Variants in TMEM117 observed in about 807,000 individuals in gnomAD.
TMEM117 encodes transmembrane protein 117.
Under a neutral mutation model 52.4 loss-of-function variants are expected in TMEM117, and 27 were observed. The ratio of observed to expected loss-of-function variants is 0.51; its 90% CI spans 0.38 to 0.71. The LOEUF (loss-of-function observed/expected upper bound fraction) is 0.71. Ranked by LOEUF, TMEM117 falls within the 30% of genes least tolerant of loss-of-function variation. TMEM117 has a pLI of 0.00. For synonymous variants in TMEM117, 215 were observed against 206.3 expected, an observed-to-expected ratio of 1.04 and a Z score of -0.36; for missense variants, 556 against 630.5, an observed-to-expected ratio of 0.88 and a Z score of 1.26.
chr12:43,824,242 A>G, the TMEM117 span, among the ~76,000 whole-genome samples: 7 of 152,210 alleles, frequency 4.6e-5, no homozygotes, highest in African/African-American at 1.7e-4. Flanking sequence ...ACGAGGTGGC[A>G]TTGCTTTCTC....
the TMEM117 span, among the ~76,000 whole-genome samples, chr12:43,824,570 G>C: frequency 6.6e-6 from 1 of 152,176 alleles, no homozygotes; most frequent in African/African-American, 2.4e-5. Flanking sequence ...CTTGCTCAGG[G>C]AAACCTTGAG....
At chr12:43,801,524 A>G in the TMEM117 span, among the ~76,000 whole-genome samples, 11 of 152,170 alleles carry the variant, frequency 7.2e-5, no homozygotes, top group Admixed American at 6.5e-4. Flanking sequence ...AATTCTGTCT[A>G]TTGTTCTATA....
chr12:44,106,765 A>C (rs1388736670), intron 3 of TMEM117, among the ~76,000 whole-genome samples: 1 of 151,970 alleles, frequency 6.6e-6, no homozygotes, highest in African/African-American at 2.4e-5. Context: ...ACAGAGTTAC[A>C]GATATTGAGT....
chr12:43,992,621 A>G (rs940112583), intron 3 of TMEM117, among the ~76,000 whole-genome samples: 1 of 152,066 alleles, frequency 6.6e-6, no homozygotes, highest in African/African-American at 2.4e-5. Context: ...ATGTCCTCTG[A>G]CTTTGTGTCC....
the TMEM117 span, among the ~76,000 whole-genome samples, chr12:43,813,157 A>G: frequency 6.7e-6 from 1 of 148,876 alleles, no homozygotes; most frequent in Admixed American, 6.7e-5. Flanking sequence ...TTGCCTTCAT[A>G]GTCATACTCC....
At chr12:43,916,690 G>T (rs185810785) in intron 2 of TMEM117, among the ~76,000 whole-genome samples, 1 of 152,270 alleles carries the variant, frequency 6.6e-6, no homozygotes, top group East Asian at 1.9e-4. Flanking sequence ...TGTTGCTGGA[G>T]TATGAAACTG....
intron 2 of TMEM117, among the ~76,000 whole-genome samples, chr12:43,872,332 A>C (rs974167388): frequency 6.7e-6 from 1 of 149,548 alleles, no homozygotes; most frequent in Non-Finnish European, 1.5e-5. Flanking sequence ...CATCATTATG[A>C]GCACGAATAC....
upstream of TMEM117, among the ~76,000 whole-genome samples, chr12:43,833,559 C>T (rs1488424244): frequency 2.6e-5 from 4 of 151,850 alleles, no homozygotes; most frequent in South Asian, 4.2e-4. Context: ...TTTGGGAGGC[C>T]GAGGCTGAAG....
chr12:44,305,476 T>C (rs1397757387), intron 6 of TMEM117, among the ~76,000 whole-genome samples: 3 of 148,982 alleles, frequency 2.0e-5, no homozygotes, highest in Non-Finnish European at 3.0e-5. Flanking sequence ...GATAATCCCA[T>C]CTAAAATTGG....
chr12:44,310,370 G>A (rs1040081347), intron 6 of TMEM117, among the ~76,000 whole-genome samples: 1 of 152,232 alleles, frequency 6.6e-6, no homozygotes, highest in Admixed American at 6.5e-5. Context: ...AGGGCACAGT[G>A]GCTCACGCCT....
chr12:43,865,613 C>T (rs1416793423), intron 2 of TMEM117, among the ~76,000 whole-genome samples: 2 of 151,724 alleles, frequency 1.3e-5, no homozygotes, highest in African/African-American at 4.8e-5. Context: ...AGGAGAGATG[C>T]TTGAACCTGG....
intron 3 of TMEM117, among the ~76,000 whole-genome samples, chr12:44,038,523 G>A (rs575095446): frequency 2.8e-4 from 42 of 152,244 alleles, no homozygotes; most frequent in African/African-American, 8.7e-4. Flanking sequence ...CTCACCACTC[G>A]TGCCTGGCTT....
At chr12:43,912,149 A>G (rs1190314061) in intron 2 of TMEM117, among the ~76,000 whole-genome samples, 1 of 150,440 alleles carries the variant, frequency 6.6e-6, no homozygotes, top group African/African-American at 2.4e-5. Context: ...CATATACACC[A>G]TGGAATACTA....
intron 2 of TMEM117, among the ~76,000 whole-genome samples, chr12:43,898,044 GCACGCACACACACACACACACACA>G (rs1944239201): frequency 7.8e-5 from 10 of 127,768 alleles, no homozygotes; most frequent in Admixed American, 2.3e-4. Flanking sequence ...ACACACACAC[GCACGCACACACACACACACACACA>G]CACCGATTTC....
rs966906105 is a variant in TMEM117, at chr12:43,996,058, T to TA, written c.410+51725dup. On this transcript the variant is annotated intron_variant, in intron 3 of 7. Coordinates refer to ENST00000266534, the MANE Select transcript of TMEM117 (RefSeq NM_032256.3). ...AACCTGAAACAAATATAGGTAATGT[T>TA]AAAAAAAAATGACAACAGAAATCTT... Among the ~76,000 whole-genome samples the TA allele has an allele frequency of 2.3e-4, 35 of 151,204 alleles. No individual in the cohort carries two copies. The East Asian group carries it at 2.5e-3, about 11-fold the overall frequency.
intron 4 of TMEM117, among the ~76,000 whole-genome samples, chr12:44,204,554 A>G (rs1949539020): frequency 6.6e-6 from 1 of 152,170 alleles, no homozygotes; most frequent in Non-Finnish European, 1.5e-5. Flanking sequence ...CCCATAGTCT[A>G]TTCTAAAATT....
intron 6 of TMEM117, among the ~76,000 whole-genome samples, chr12:44,304,368 C>T (rs902110151): frequency 6.6e-6 from 1 of 152,144 alleles, no homozygotes; most frequent in African/African-American, 2.4e-5. Context: ...TTTGGGATCC[C>T]AAATAAATTT....
chr12:44,114,904 A>G (rs528214613), intron 3 of TMEM117, among the ~76,000 whole-genome samples: 1 of 152,224 alleles, frequency 6.6e-6, no homozygotes, highest in African/African-American at 2.4e-5. Flanking sequence ...TTTAAAGAAA[A>G]TCAGATACAG....
At chr12:44,290,829 C>A (rs925536483) in intron 5 of TMEM117, among the ~76,000 whole-genome samples, 1 of 151,898 alleles carries the variant, frequency 6.6e-6, no homozygotes, top group Non-Finnish European at 1.5e-5. Context: ...TATATAAAAG[C>A]GAGGTCTCAC....
Sources: allele counts gnomAD v4.1 joint callset (sites outside exome capture counted in the v4.1 genomes callset), GRCh38; gene constraint gnomAD v4.1.1; transcripts MANE v1.5; gene names NCBI Gene and HGNC (gene_info 2026-07-23, HGNC 2026-07-21).